The following LINGO2 variants were observed in gnomAD, a reference collection of about 807,000 sequenced individuals.
LINGO2 encodes leucine-rich repeat and immunoglobulin-like domain-containing nogo receptor-interacting protein 2.
Under a neutral mutation model 30.6 loss-of-function variants are expected in LINGO2, and 14 were observed. The ratio of observed to expected loss-of-function variants is 0.46; its 90% CI spans 0.30 to 0.72. The LOEUF (loss-of-function observed/expected upper bound fraction) is 0.72. LINGO2 is among the 30% of genes least tolerant of loss of function. The pLI, the probability that LINGO2 is intolerant of heterozygous loss-of-function variation, is 0.07. For missense variants in LINGO2, 729 were observed against 751.7 expected (o/e 0.97, Z 0.35); for synonymous variants, 317 against 288.5 (o/e 1.10, Z -1.00).
chr9:28,436,741 G>A (rs1306081071), intron 2 of LINGO2, among the ~76,000 whole-genome samples: 4 of 152,182 alleles, frequency 2.6e-5, no homozygotes, highest in Admixed American at 2.0e-4. Flanking sequence ...ACAGGCATAA[G>A]CCACCGCGCC....
At chr9:28,374,210 T>TATATA (rs1554713024) in intron 2 of LINGO2, among the ~76,000 whole-genome samples, 10 of 130,566 alleles carry the variant, frequency 7.7e-5, no homozygotes, top group South Asian at 5.1e-4. Flanking sequence ...ATGTTTTTAT[T>TATATA]TATATATATA....
chr9:28,481,669 A>G (rs993708802), intron 1 of LINGO2, among the ~76,000 whole-genome samples: 4 of 151,942 alleles, frequency 2.6e-5, no homozygotes, highest in Non-Finnish European at 5.9e-5. Flanking sequence ...CATGTGCACA[A>G]TGTGCAGGTT....
chr9:29,208,861 T>C, the LINGO2 span, among the ~76,000 whole-genome samples: 1 of 152,132 alleles, frequency 6.6e-6, no homozygotes, highest in Non-Finnish European at 1.5e-5. Context: ...TATTTATTCA[T>C]GCTGCCTCCC....
At chr9:28,634,173 A>G (rs370071881) in intron 1 of LINGO2, among the ~76,000 whole-genome samples, 5 of 152,326 alleles carry the variant, frequency 3.3e-5, no homozygotes, top group East Asian at 3.9e-4. Context: ...ACTAGTTCCC[A>G]TGAAATTTAC....
At chr9:28,013,321 T>TC (rs1276183792) in intron 4 of LINGO2, among the ~76,000 whole-genome samples, 1 of 152,138 alleles carries the variant, frequency 6.6e-6, no homozygotes, top group African/African-American at 2.4e-5. Context: ...CTTAGAAGGG[T>TC]CTTATGATCC....
the LINGO2 span, among the ~76,000 whole-genome samples, chr9:29,162,972 A>G: frequency 1.3e-5 from 2 of 152,178 alleles, no homozygotes; most frequent in African/African-American, 4.8e-5. Flanking sequence ...TATCAAAGAG[A>G]CAGAGAAAGA....
chr9:28,754,635 C>CTTTTTT, the LINGO2 span, among the ~76,000 whole-genome samples: 1 of 143,464 alleles, frequency 7.0e-6, no homozygotes, highest in Non-Finnish European at 1.5e-5. Flanking sequence ...TGTTTCTGTC[C>CTTTTTT]TTTTTTTTTT....
chr9:27,939,958 T>G, the LINGO2 span: 8 of 152,100 alleles, frequency 5.3e-5, no homozygotes, highest in Non-Finnish European at 8.8e-5. Flanking sequence ...CATAAAAGAT[T>G]TAGGTATTTT....
intron 3 of LINGO2, among the ~76,000 whole-genome samples, chr9:28,318,571 T>G (rs1024015950): frequency 6.6e-6 from 1 of 152,126 alleles, no homozygotes; most frequent in African/African-American, 2.4e-5. Flanking sequence ...TGAAGCTAAA[T>G]TTCATGCTTT....
chr9:28,051,471 A>G (rs1254383932), intron 4 of LINGO2, among the ~76,000 whole-genome samples: 1 of 152,072 alleles, frequency 6.6e-6, no homozygotes, highest in Non-Finnish European at 1.5e-5. Context: ...TGCACATCAA[A>G]TGCTGGTATT....
chr9:29,132,780 AATG>A, the LINGO2 span, among the ~76,000 whole-genome samples: 1 of 152,212 alleles, frequency 6.6e-6, no homozygotes, highest in Non-Finnish European at 1.5e-5. Context: ...ATCTTCTCAG[AATG>A]ATAAGAACCA....
chr9:28,604,810 G>A (rs1187275113), intron 1 of LINGO2, among the ~76,000 whole-genome samples: 1 of 151,952 alleles, frequency 6.6e-6, no homozygotes, highest in African/African-American at 2.4e-5. Flanking sequence ...TGTACATATA[G>A]AGAGACCTAA....
chr9:28,488,879 T>G (rs1312480439), intron 1 of LINGO2, among the ~76,000 whole-genome samples: 1 of 152,194 alleles, frequency 6.6e-6, no homozygotes, highest in Non-Finnish European at 1.5e-5. Flanking sequence ...AATTGTGTGA[T>G]GGTGAATAAG....
intron 4 of LINGO2, among the ~76,000 whole-genome samples, chr9:28,054,880 A>AT (rs1269555121): frequency 6.6e-6 from 1 of 152,138 alleles, no homozygotes; most frequent in Non-Finnish European, 1.5e-5. Flanking sequence ...AGCCTTTTCA[A>AT]ATATCCAAGC....
At chr9:28,758,076 T>C in the LINGO2 span, among the ~76,000 whole-genome samples, 1 of 152,084 alleles carries the variant, frequency 6.6e-6, no homozygotes, top group Admixed American at 6.5e-5. Context: ...GAAGCATGTA[T>C]CTCCTGAGCT....
chr9:29,127,786 A>G, the LINGO2 span, among the ~76,000 whole-genome samples: 67 of 152,136 alleles, frequency 4.4e-4, no homozygotes, highest in African/African-American at 1.6e-3. Flanking sequence ...TCCTGGTTAT[A>G]GTCCCTGATC....
At chr9:29,154,813 G>C in the LINGO2 span, among the ~76,000 whole-genome samples, 1 of 152,290 alleles carries the variant, frequency 6.6e-6, no homozygotes, top group Non-Finnish European at 1.5e-5. Flanking sequence ...AAGAGGAGCA[G>C]AGGGGAAAGC....
At chr9:28,794,143 A>C in the LINGO2 span, among the ~76,000 whole-genome samples, 1 of 152,158 alleles carries the variant, frequency 6.6e-6, no homozygotes, top group Non-Finnish European at 1.5e-5. Context: ...GTCTGTACTA[A>C]AAATACGAAA....
At chr9:28,966,935 C>A in the LINGO2 span, among the ~76,000 whole-genome samples, 1 of 151,986 alleles carries the variant, frequency 6.6e-6, no homozygotes, top group African/African-American at 2.4e-5. Flanking sequence ...CCTCCCTTTA[C>A]TTAAAGAATA....
Sources: allele counts gnomAD v4.1 joint callset (sites outside exome capture counted in the v4.1 genomes callset), GRCh38; gene constraint gnomAD v4.1.1; transcripts MANE v1.5; gene names NCBI Gene and HGNC (gene_info 2026-07-23, HGNC 2026-07-21).